FGGY: variants seen among roughly 807,000 people sequenced by gnomAD.
FGGY encodes the protein FGGY carbohydrate kinase domain containing, also known as FGGY carbohydrate kinase domain-containing protein.
In FGGY, 72 loss-of-function variants were observed where a neutral mutation model predicts 71.3. The ratio of observed to expected loss-of-function variants is 1.01; its 90% CI spans 0.84 to 1.23. FGGY has a LOEUF of 1.23. Ranked by LOEUF, FGGY falls within the 50% of genes most tolerant of loss-of-function variation. FGGY has a pLI of 0.00. For missense variants in FGGY, 668 were observed against 682.3 expected, an observed-to-expected ratio of 0.98 and a Z score of 0.23; for synonymous variants, 251 against 250.3, an observed-to-expected ratio of 1.00 and a Z score of -0.02.
chr1:59,485,090 G>A (rs2093619278), intron 6 of FGGY, among the ~76,000 whole-genome samples: 1 of 152,162 alleles, frequency 6.6e-6, no homozygotes. Flanking sequence ...TTGATTTGTT[G>A]TGAACCCCAA....
chr1:59,297,104 G>C lies in FGGY; in HGVS notation c.-61G>C, dbSNP rs1433868087. The C allele has an allele frequency of 6.5e-6, 1 of 152,936 alleles. No individual in the cohort carries two copies. Among genetic ancestry groups the C allele is most frequent in the African/African-American group, 2.4e-5 (1 of 41,428 alleles). 9.5% of individuals were successfully genotyped at this position (152,936 alleles called of 1,614,324 possible). ...TGGCCGCTTAGTCTCACACCCGCCG[G>C]GCCGTTGTTCCCGAGACGTTGTTGA... is the stretch of plus-strand genomic sequence containing the variant. On this transcript the variant is annotated 5_prime_UTR_variant, in exon 1 of 16. Coordinates refer to ENST00000303721, the MANE Select transcript of FGGY (RefSeq NM_018291.5).
chr1:59,384,717 G>C (rs536845270), intron 5 of FGGY, among the ~76,000 whole-genome samples: 2 of 152,192 alleles, frequency 1.3e-5, no homozygotes, highest in South Asian at 2.1e-4. Flanking sequence ...TTACCTCCCT[G>C]AGCCTTATTT....
intron 5 of FGGY, among the ~76,000 whole-genome samples, chr1:59,448,532 G>C (rs1382137602): frequency 6.6e-6 from 1 of 152,126 alleles, no homozygotes; most frequent in East Asian, 1.9e-4. Context: ...TCTCCAGCCT[G>C]CATACAGAGC....
Position 59,613,255 on chromosome 1 carries a change from C to T in FGGY, c.1011+5345C>T, listed in dbSNP as rs576853096. Among the ~76,000 whole-genome samples, 19 of 152,220 alleles carry T rather than the reference C, an allele frequency of 1.2e-4. No homozygotes were observed. The South Asian group carries it at 2.1e-3, about 17-fold the overall frequency. On this transcript the variant is annotated intron_variant, in intron 9 of 15. Transcript: ENST00000303721. ...TTGACCACATAGTTGGAAGTAAAGACGTCCTCAGCAAATGTAAAGGACAGA... is the reference window on the plus strand; with the variant it reads ...TTGACCACATAGTTGGAAGTAAAGATGTCCTCAGCAAATGTAAAGGACAGA...
intron 14 of FGGY, among the ~76,000 whole-genome samples, chr1:59,677,498 C>T (rs1304724554): frequency 2.0e-5 from 3 of 152,156 alleles, no homozygotes; most frequent in African/African-American, 7.2e-5. Context: ...GGGAAGAATC[C>T]AGAGGACCCA....
Position 59,508,659 on chromosome 1 carries a change from C to T in FGGY, c.671-3652C>T, listed in dbSNP as rs76450525. The stretch of plus-strand genomic sequence containing the variant: ...TTCTATCATCCTCTCTCATGCCAAG[C>T]TGTTTCATTTTGGTCTCTAAATAAA... On this transcript the variant is annotated intron_variant, in intron 6 of 15. Transcript: ENST00000303721. 3.0e-3 allele frequency among the ~76,000 whole-genome samples: 454 copies of T among 152,308 alleles called. 3 individuals carry two copies. Among genetic ancestry groups the T allele is most frequent in the African/African-American group, 0.01 (435 of 41,578 alleles).
intron 8 of FGGY, among the ~76,000 whole-genome samples, chr1:59,582,972 T>C (rs2096222264): frequency 8.6e-6 from 1 of 115,862 alleles, no homozygotes; most frequent in Non-Finnish European, 1.8e-5. Flanking sequence ...GAGTTTACCA[T>C]TTTGTAATGC....
intron 12 of FGGY, among the ~76,000 whole-genome samples, chr1:59,666,304 C>T (rs2097325651): frequency 6.6e-6 from 1 of 152,202 alleles, no homozygotes; most frequent in African/African-American, 2.4e-5. Context: ...CCAAAAAATC[C>T]TCTTCCTCTA....
intron 13 of FGGY, among the ~76,000 whole-genome samples, chr1:59,668,350 G>A (rs948655577): frequency 6.6e-6 from 1 of 152,160 alleles, no homozygotes; most frequent in African/African-American, 2.4e-5. Flanking sequence ...GGTACCACCA[G>A]GGCAGGGCAA....
At chr1:59,631,133 C>G (rs1246263037) in intron 10 of FGGY, among the ~76,000 whole-genome samples, 1 of 152,164 alleles carries the variant, frequency 6.6e-6, no homozygotes, top group Non-Finnish European at 1.5e-5. Context: ...CATTCTCTTT[C>G]CTTGACTTTC....
chr1:59,473,764 G>C (rs969057983), intron 6 of FGGY, among the ~76,000 whole-genome samples: 1 of 152,176 alleles, frequency 6.6e-6, no homozygotes, highest in East Asian at 1.9e-4. Flanking sequence ...TTCAAGAGAT[G>C]GTTCTAATTA....
chr1:59,647,998 G>A (rs1290993620), intron 11 of FGGY, among the ~76,000 whole-genome samples: 3 of 82,652 alleles, frequency 3.6e-5, no homozygotes, highest in African/African-American at 1.6e-4. Context: ...AATATGCGGT[G>A]TTTGGTTTTT....
chr1:59,546,653 TCTC>T (rs1378390668), intron 7 of FGGY, among the ~76,000 whole-genome samples: 1 of 151,576 alleles, frequency 6.6e-6, no homozygotes, highest in Non-Finnish European at 1.5e-5. Context: ...TTCACGCCAT[TCTC>T]CTGCCTCAGC....
At chr1:59,493,040 T>A (rs1391673199) in intron 6 of FGGY, among the ~76,000 whole-genome samples, 1 of 151,452 alleles carries the variant, frequency 6.6e-6, no homozygotes, top group African/African-American at 2.4e-5. Flanking sequence ...TTGTATATTT[T>A]AAAAAAATAC....
intron 10 of FGGY, among the ~76,000 whole-genome samples, chr1:59,628,575 A>T (rs2096880318): frequency 1.3e-5 from 2 of 152,352 alleles, no homozygotes; most frequent in African/African-American, 2.4e-5. Flanking sequence ...TTCTTAGGTG[A>T]TGAGTAAAAG....
intron 4 of FGGY, among the ~76,000 whole-genome samples, chr1:59,360,075 G>A (rs1355952643): frequency 1.3e-5 from 2 of 151,334 alleles, no homozygotes; most frequent in African/African-American, 2.4e-5. Flanking sequence ...TCATTTTACC[G>A]ATTAATTATT....
At chr1:59,593,180 T>C (rs773579205) in intron 8 of FGGY, among the ~76,000 whole-genome samples, 1 of 152,218 alleles carries the variant, frequency 6.6e-6, no homozygotes, top group Non-Finnish European at 1.5e-5. Context: ...TGAGCATTTG[T>C]TGAGTGAATC....
At chr1:59,587,150 C>T (rs1233198325) in intron 8 of FGGY, among the ~76,000 whole-genome samples, 2 of 152,338 alleles carry the variant, frequency 1.3e-5, no homozygotes, top group South Asian at 4.1e-4. Flanking sequence ...ATATCCCGCA[C>T]CTGGCTTGGA....
At chr1:59,599,032 G>C (rs1197392533) in intron 8 of FGGY, among the ~76,000 whole-genome samples, 1 of 152,240 alleles carries the variant, frequency 6.6e-6, no homozygotes, top group Non-Finnish European at 1.5e-5. Context: ...CATTGTGGTA[G>C]AAGTCAGGGT....
Sources: gnomAD v4.1 joint callset for allele counts (sites outside exome capture counted in the v4.1 genomes callset) on GRCh38, gnomAD v4.1.1 for gene constraint, MANE v1.5 for transcripts, NCBI Gene and HGNC (gene_info 2026-07-23, HGNC 2026-07-21) for gene names.